CYP3A43: variants seen among roughly 807,000 people sequenced by gnomAD.
The protein encoded by CYP3A43 is cytochrome P450 family 3 subfamily A member 43.
In CYP3A43, 45 loss-of-function variants were observed where a neutral mutation model predicts 58.0. That is an observed-to-expected ratio of 0.78 (90% CI 0.61 to 0.99). CYP3A43 has a LOEUF of 0.99. Ranked by LOEUF, CYP3A43 falls within the 50% of genes least tolerant of loss-of-function variation. The probability of loss-of-function intolerance (pLI) is 0.00; values close to 1 mark genes in which losing one functional copy is unlikely to be tolerated. For synonymous variants in CYP3A43, 191 were observed against 201.4 expected, an observed-to-expected ratio of 0.95 and a Z score of 0.44; for missense variants, 593 against 591.9, an observed-to-expected ratio of 1.00 and a Z score of -0.02.
intron 3 of CYP3A43, among the ~76,000 whole-genome samples, chr7:99,843,280 T>G (rs982471216): frequency 6.6e-6 from 1 of 151,950 alleles, no homozygotes; most frequent in Non-Finnish European, 1.5e-5. Flanking sequence ...CCCAAAACCC[T>G]CTTTAGAAAA....
At chr7:99,855,432 G>A (rs754412027) in intron 7 of CYP3A43, 159 bp from the exon 8 acceptor site, 11 of 934,746 alleles carry the variant, frequency 1.2e-5, no homozygotes, top group Non-Finnish European at 1.7e-5. Context: ...TGGAAGAGGG[G>A]CAAAGGTCAT....
rs755640671 is a variant in CYP3A43, at chr7:99,863,551, A to G, written c.1268A>G (p.Asn423Ser). ...TGTGAAAGTAGGTTCAGTAAGAAGA[A>G]CAAGGACAGCATAGATCTTTACAGA... ...KFCPERFSKK[N>S]KDSIDLYRYI... The change falls in exon 12 of 13, where the codon AAC (asparagine) becomes AGC (serine). Residue 423 changes from asparagine (N) to serine (S), a missense_variant. Coordinates refer to ENST00000354829, the MANE Select transcript of CYP3A43 (RefSeq NM_057095.3). 1 of 1,602,490 alleles carries G rather than the reference A, an allele frequency of 6.2e-7. No individual in the cohort carries two copies. The highest frequency in any genetic ancestry group is 8.5e-7 in the Non-Finnish European group (1 of 1,176,710).
At chr7:99,831,474 C>A (rs992338895) in intron 1 of CYP3A43, among the ~76,000 whole-genome samples, 10 of 152,210 alleles carry the variant, frequency 6.6e-5, no homozygotes, top group African/African-American at 1.7e-4. Context: ...TTTTCAGCCA[C>A]ACTTTCCTAA....
intron 2 of CYP3A43, among the ~76,000 whole-genome samples, chr7:99,837,581 A>G (rs1563060558): frequency 6.6e-6 from 1 of 152,210 alleles, no homozygotes; most frequent in Non-Finnish European, 1.5e-5. Context: ...GGGAGTGCTT[A>G]TAATGAAGAC....
chr7:99,839,283 C>T (rs1441222054), intron 3 of CYP3A43, 111 bp downstream of exon 3: 1 of 1,302,256 alleles, frequency 7.7e-7, no homozygotes. Flanking sequence ...TATTGTCAAC[C>T]TAAGTAACAA....
At chr7:99,862,047 T>A (rs1296661688) in intron 11 of CYP3A43, among the ~76,000 whole-genome samples, 1 of 146,546 alleles carries the variant, frequency 6.8e-6, no homozygotes, top group Admixed American at 6.6e-5. Flanking sequence ...GCCTGTCTTG[T>A]AGGCATTTTT....
intron 9 of CYP3A43, among the ~76,000 whole-genome samples, chr7:99,858,679 T>C (rs1441643512): frequency 1.3e-5 from 1 of 76,250 alleles, no homozygotes; most frequent in East Asian, 2.0e-4. Flanking sequence ...TTATTATTAT[T>C]ATTATTATTA....
Position 99,855,610 on chromosome 7 carries a change from C to A in CYP3A43, c.690C>A (p.Thr230=), listed in dbSNP as rs1241584678. Residue 230 remains threonine (T), a synonymous_variant, in exon 8 of 13, where the codon ACC becomes ACA. Transcript: ENST00000354829. ...LLLISLFPFL[T]PVFEALNIGL... The stretch of plus-strand genomic sequence containing the variant: ...CTATAGCACTCTTTCCATTTCTTAC[C>A]CCAGTTTTTGAAGCCCTAAATATCG... 4 of 1,607,354 alleles carry A rather than the reference C, an allele frequency of 2.5e-6. No individual in the cohort carries two copies. Among genetic ancestry groups the A allele is most frequent in the African/African-American group, 2.7e-5 (2 of 74,612 alleles).
At chr7:99,853,956 T>G (rs1817866367) in intron 7 of CYP3A43, among the ~76,000 whole-genome samples, 1 of 152,152 alleles carries the variant, frequency 6.6e-6, no homozygotes, top group Non-Finnish European at 1.5e-5. Context: ...AAATGTGAAA[T>G]AAGAGCATTA....
chr7:99,832,534 C>A (rs1462037874), intron 1 of CYP3A43, among the ~76,000 whole-genome samples: 1 of 92,650 alleles, frequency 1.1e-5, no homozygotes, highest in African/African-American at 4.6e-5. Context: ...ACACCGGGGA[C>A]TGTTGTGGGG....
At chr7:99,853,068 G>T (rs1190762165) in intron 7 of CYP3A43, among the ~76,000 whole-genome samples, 1 of 152,158 alleles carries the variant, frequency 6.6e-6, no homozygotes, top group Non-Finnish European at 1.5e-5. Flanking sequence ...TTTATCCTGT[G>T]ATATATTTTT....
At chr7:99,863,444 C>T (rs575560206) in intron 11 of CYP3A43, 93 bp from the exon 12 acceptor site, 32 of 1,067,668 alleles carry the variant, frequency 3.0e-5, no homozygotes, top group Admixed American at 1.2e-4. Context: ...AGGAGGTCCT[C>T]GCCTCCCAAA....
At chr7:99,855,740 A>T in intron 8 of CYP3A43, 22 bp downstream of exon 8, 1 of 1,585,526 alleles carries the variant, frequency 6.3e-7, no homozygotes, top group Non-Finnish European at 8.6e-7. Context: ...TGGTGGTGAC[A>T]TGAGAATGTT....
rs957059901 is a variant in CYP3A43, at chr7:99,833,387, T to C, written c.72-3066T>C. Among the ~76,000 whole-genome samples, 8 of 152,140 alleles carry C rather than the reference T, an allele frequency of 5.3e-5. No individual in the cohort carries two copies. The East Asian group carries it at 5.8e-4, about 11-fold the overall frequency. On this transcript the variant is annotated intron_variant, in intron 1 of 12. Transcript: ENST00000354829. ...GTAAGAAACAAACACAGTTATTCAATTGAGAAATGCATTACATCATTTCTT... is the reference window on the plus strand; with the variant it reads ...GTAAGAAACAAACACAGTTATTCAACTGAGAAATGCATTACATCATTTCTT...
intron 12 of CYP3A43, among the ~76,000 whole-genome samples, chr7:99,864,670 AT>A (rs1319713311): frequency 6.7e-6 from 1 of 148,806 alleles, no homozygotes; most frequent in Admixed American, 6.6e-5. Flanking sequence ...TAAAAGTCCA[AT>A]AGTGTCTTGC....
intron 2 of CYP3A43, 123 bp downstream of exon 2, chr7:99,836,669 G>C (rs1405513382): frequency 5.7e-6 from 4 of 701,198 alleles, no homozygotes; most frequent in Non-Finnish European, 2.3e-6. Context: ...GAAATGGTGT[G>C]TATGCTCCAC....
rs1297039848 is a variant in CYP3A43 at position 99,855,658 on chromosome 7, C to T, written c.738C>T (p.Thr246=). 2.5e-6 allele frequency: 4 copies of T among 1,613,164 alleles called. No homozygotes were observed. The highest frequency in any genetic ancestry group is 1.3e-5 in the African/African-American group (1 of 74,832). ...TCGGTTTGTTTCCAAAAGATGTTAC[C>T]CATTTTTTAAAAAATTCCATTGAAA... ...LNIGLFPKDV[T]HFLKNSIERM... The change falls in exon 8 of 13, where the codon ACC becomes ACT. Residue 246 remains threonine, a synonymous_variant. Coordinates refer to ENST00000354829, the MANE Select transcript of CYP3A43 (RefSeq NM_057095.3).
At chr7:99,836,820 A>G (rs1817102644) in intron 2 of CYP3A43, among the ~76,000 whole-genome samples, 1 of 152,140 alleles carries the variant, frequency 6.6e-6, no homozygotes. Context: ...CGAACCATAA[A>G]GAGGACTTTC....
At chr7:99,850,401 A>G (rs1253288179) in intron 7 of CYP3A43, among the ~76,000 whole-genome samples, 1 of 151,920 alleles carries the variant, frequency 6.6e-6, no homozygotes, top group Non-Finnish European at 1.5e-5. Context: ...AGCTGAGACT[A>G]CAGGCATGCG....
Sources: gnomAD v4.1 joint callset for allele counts (sites outside exome capture counted in the v4.1 genomes callset) on GRCh38, gnomAD v4.1.1 for gene constraint, MANE v1.5 for transcripts, NCBI Gene and HGNC (gene_info 2026-07-23, HGNC 2026-07-21) for gene names.